Variants in SPTBN1 observed in about 807,000 individuals in gnomAD.
SPTBN1 encodes spectrin beta, non-erythrocytic 1.
SPTBN1 carries 32 observed loss-of-function variants against 266.4 expected under a neutral mutation model. The ratio of observed to expected loss-of-function variants is 0.12; its 90% CI spans 0.09 to 0.16. SPTBN1 has a LOEUF of 0.16. Ranked by LOEUF, SPTBN1 falls within the 10% of genes least tolerant of loss-of-function variation. SPTBN1 has a pLI of 1.00. For synonymous variants in SPTBN1, 1,336 were observed against 1,162.2 expected, an observed-to-expected ratio of 1.15 and a Z score of -3.04; for missense variants, 2,296 against 3,067.1, an observed-to-expected ratio of 0.75 and a Z score of 5.94.
chr2:54,476,540 G>A (rs942521272), intron 1 of SPTBN1, among the ~76,000 whole-genome samples: 1 of 152,188 alleles, frequency 6.6e-6, no homozygotes, highest in Non-Finnish European at 1.5e-5. Context: ...TCTCCGAGCT[G>A]TTGTATCCTA....
intron 2 of SPTBN1, among the ~76,000 whole-genome samples, chr2:54,594,833 C>CTTTTTTTTTTTTTTTTTTTTTTTTTTT (rs71408777): frequency 1.1e-4 from 11 of 104,674 alleles, no homozygotes; most frequent in African/African-American, 5.1e-4. Context: ...TGGTAAGTTT[C>CTTTTTTTTTTTTTTTTTTTTTTTTTTT]TTTTTTTTTT....
intron 3 of SPTBN1, among the ~76,000 whole-genome samples, chr2:54,606,085 A>G (rs148860329): frequency 1.3e-5 from 2 of 152,220 alleles, no homozygotes; most frequent in African/African-American, 4.8e-5. Context: ...TGTCTCATAC[A>G]TGTTTCCTGT....
chr2:54,588,974 A>G (rs543816868), intron 2 of SPTBN1, among the ~76,000 whole-genome samples: 69 of 152,256 alleles, frequency 4.5e-4, no homozygotes, highest in Middle Eastern at 3.4e-3. Flanking sequence ...GTATATATTT[A>G]TGGGGTATGT....
rs141727420 is a variant in SPTBN1, at chr2:54,570,686, C to T, written c.149-28406C>T. On this transcript the variant is annotated intron_variant, in intron 2 of 35. Coordinates refer to ENST00000356805, the MANE Select transcript of SPTBN1 (RefSeq NM_003128.3). ...CATGATTTTGGTGGAATTGGCGTGC[C>T]AACAGTGGTTACAGCTAAGATTGTA... Among the ~76,000 whole-genome samples the T allele has an allele frequency of 5.3e-5, 8 of 152,268 alleles. No homozygotes were observed. The East Asian group carries it at 1.4e-3, about 26-fold the overall frequency.
chr2:54,613,652 C>T (rs939870644), intron 4 of SPTBN1, among the ~76,000 whole-genome samples: 5 of 152,224 alleles, frequency 3.3e-5, no homozygotes, highest in African/African-American at 1.2e-4. Flanking sequence ...GAGAGAACCA[C>T]TGTTGAAGAT....
intron 2 of SPTBN1, among the ~76,000 whole-genome samples, chr2:54,569,984 T>A (rs1296394873): frequency 2.8e-5 from 4 of 140,376 alleles, no homozygotes; most frequent in Admixed American, 7.1e-5. Flanking sequence ...CCCCCCCCTT[T>A]AGAAAGATTA....
intron 24 of SPTBN1, among the ~76,000 whole-genome samples, chr2:54,648,245 G>A (rs1680044032): frequency 6.6e-6 from 1 of 152,204 alleles, no homozygotes; most frequent in African/African-American, 2.4e-5. Flanking sequence ...TGGTGTAGGA[G>A]GTTCTTAAGA....
intron 3 of SPTBN1, among the ~76,000 whole-genome samples, chr2:54,608,772 C>T (rs891021899): frequency 1.3e-5 from 2 of 151,820 alleles, no homozygotes; most frequent in African/African-American, 4.8e-5. Context: ...AACCCCATGC[C>T]GCTGAAAATC....
intron 2 of SPTBN1, among the ~76,000 whole-genome samples, chr2:54,594,796 C>G (rs1474725864): frequency 6.8e-6 from 1 of 146,278 alleles, no homozygotes; most frequent in Non-Finnish European, 1.5e-5. Flanking sequence ...TTGTTCAGTC[C>G]TGAGATTTTA....
chr2:54,629,851 G>A (rs1678616041), intron 14 of SPTBN1, 41 bp from the exon 15 acceptor site: 2 of 1,613,280 alleles, frequency 1.2e-6, no homozygotes, highest in African/African-American at 1.3e-5. Context: ...GTGACCACCA[G>A]TGGCCCAGGA....
chr2:54,516,680 A>G (rs1164269261), intron 1 of SPTBN1, among the ~76,000 whole-genome samples: 2 of 152,218 alleles, frequency 1.3e-5, no homozygotes, highest in African/African-American at 2.4e-5. Flanking sequence ...CCTAAGACAA[A>G]GTGACTCTAG....
chr2:54,556,374 A>G (rs1229603131), intron 2 of SPTBN1, among the ~76,000 whole-genome samples: 1 of 152,214 alleles, frequency 6.6e-6, no homozygotes, highest in Non-Finnish European at 1.5e-5. Context: ...CGTTCGTCCC[A>G]GCTCTACTGC....
In SPTBN1 at chr2:54,649,941, G is replaced by C. The variant is rs188468007; in HGVS notation, c.5529G>C (p.Gln1843His). The stretch of plus-strand genomic sequence containing the variant: ...ATCAGAACACAGTGGAGACCTTACA[G>C]AGAATGCACACTACATTTGAGCATG... ...GRDQNTVETL[Q>H]RMHTTFEHDI... The change falls in exon 26 of 36, where the codon CAG (glutamine) becomes CAC (histidine). Residue 1843 changes from glutamine to histidine, a missense_variant. Gln to His is a conservative substitution (Grantham distance 24). Coordinates refer to ENST00000356805, the MANE Select transcript of SPTBN1 (RefSeq NM_003128.3). This position sits in a 1 kb window ranked among gnomAD's most constrained non-coding sequence, Gnocchi z 6.7. 161 of 1,614,050 alleles carry C rather than the reference G, an allele frequency of 1.0e-4. 2 individuals are homozygous for C. In the East Asian group the frequency reaches 3.5e-3, roughly 36 times the overall value.
At chr2:54,630,491 G>A (rs960779470) in intron 15 of SPTBN1, among the ~76,000 whole-genome samples, 1 of 152,190 alleles carries the variant, frequency 6.6e-6, no homozygotes, top group African/African-American at 2.4e-5. Flanking sequence ...CCCCAGTTTT[G>A]AAGGTTACCA....
intron 12 of SPTBN1, among the ~76,000 whole-genome samples, chr2:54,627,593 C>G (rs1678437612): frequency 6.6e-6 from 1 of 152,158 alleles, no homozygotes; most frequent in African/African-American, 2.4e-5. Flanking sequence ...CAATAAGCTC[C>G]TAACAGAGGA....
At chr2:54,471,452 C>T (rs993213523) in intron 1 of SPTBN1, among the ~76,000 whole-genome samples, 7 of 151,150 alleles carry the variant, frequency 4.6e-5, no homozygotes, top group African/African-American at 7.3e-5. Flanking sequence ...GGACTAAGCT[C>T]CATTCACTCA....
intron 2 of SPTBN1, among the ~76,000 whole-genome samples, chr2:54,592,139 C>G (rs1162318794): frequency 6.6e-6 from 1 of 152,208 alleles, no homozygotes; most frequent in East Asian, 1.9e-4. Context: ...TACACTCTAG[C>G]TGGGGTGACA....
chr2:54,487,832 C>CTT lies in SPTBN1; in HGVS notation c.-48+31328_-48+31329dup, dbSNP rs70944169. On this transcript the variant is annotated intron_variant, in intron 1 of 35. Coordinates refer to ENST00000356805, the MANE Select transcript of SPTBN1 (RefSeq NM_003128.3). Reference sequence around the variant, plus strand: ...TTCACTTGATGGTCTCCTCCTGTGTCTTTTTTTTTTTTTTTGAGACGGAGT... The same window carrying CTT: ...TTCACTTGATGGTCTCCTCCTGTGTCTTTTTTTTTTTTTTTTTGAGACGGAGT... 2.9e-4 allele frequency among the ~76,000 whole-genome samples: 20 copies of CTT among 68,646 alleles called. 3 individuals are homozygous for CTT. Among genetic ancestry groups the CTT allele is most frequent in the African/African-American group, 5.5e-4 (10 of 18,158 alleles). 45.0% of individuals were successfully genotyped at this position (68,646 alleles called of 152,430 possible).
In SPTBN1 at chr2:54,631,506, G is replaced by A. The variant is rs1678729468; in HGVS notation, c.3459G>A (p.Glu1153=). The change falls in exon 16 of 36, where the codon GAG becomes GAA. Residue 1153 remains glutamate (E), a synonymous_variant. Coordinates refer to ENST00000356805, the MANE Select transcript of SPTBN1 (RefSeq NM_003128.3). ...AGGCCCTGGACACTGGATGGAACGA[G>A]CTCCACAAGATGTGGGAGAACAGAC... ...RLQALDTGWN[E]LHKMWENRQN... 1 of 1,614,138 alleles carries A rather than the reference G, an allele frequency of 6.2e-7. No homozygotes were observed. The highest frequency in any genetic ancestry group is 1.3e-5 in the African/African-American group (1 of 74,954).
Sources: allele counts gnomAD v4.1 joint callset (sites outside exome capture counted in the v4.1 genomes callset), GRCh38; gene constraint gnomAD v4.1.1; non-coding constraint Gnocchi (gnomAD v3.1); transcripts MANE v1.5; gene names NCBI Gene and HGNC (gene_info 2026-07-23, HGNC 2026-07-21).